ANKRD36C: variants seen among roughly 807,000 people sequenced by gnomAD.
ANKRD36C encodes the protein ankyrin repeat domain-containing protein 36C.
In ANKRD36C, 61 loss-of-function variants were observed where a neutral mutation model predicts 276.4. The ratio of observed to expected loss-of-function variants is 0.22; its 90% CI spans 0.18 to 0.27. ANKRD36C has a LOEUF of 0.27. ANKRD36C is among the 10% of genes least tolerant of loss of function. The pLI is 1.00. For missense variants in ANKRD36C, 1,447 were observed against 2,032.3 expected (o/e 0.71, Z 5.54); for synonymous variants, 483 against 680.1 (o/e 0.71, Z 4.51).
chr2:95,973,329 T>C (rs1678736126), intron 6 of ANKRD36C, among the ~76,000 whole-genome samples: 1 of 151,604 alleles, frequency 6.6e-6, no homozygotes, highest in Admixed American at 6.6e-5. Context: ...GGAGAAGCGC[T>C]TGAACCCAGG....
chr2:95,879,193 G>A (rs2104318141), intron 58 of ANKRD36C, among the ~76,000 whole-genome samples: 1 of 152,230 alleles, frequency 6.6e-6, no homozygotes. Flanking sequence ...AAATAATCCA[G>A]GCAAAGAAAG....
intron 1 of ANKRD36C, among the ~76,000 whole-genome samples, chr2:95,989,900 T>C (rs1421209576): frequency 6.6e-6 from 1 of 152,034 alleles, no homozygotes; most frequent in Non-Finnish European, 1.5e-5. Flanking sequence ...GTTGCTTGAA[T>C]ATCTGAAAAA....
exon 1 of ANKRD36C, chr2:95,991,610 C>T (rs1428410380): frequency 6.2e-7 from 1 of 1,613,958 alleles, no homozygotes; most frequent in Non-Finnish European, 8.5e-7. Context: ...GGATCCCCTT[C>T]AGATGATACG....
intron 6 of ANKRD36C, among the ~76,000 whole-genome samples, 200 bp from the exon 7 acceptor site, chr2:95,962,747 A>C (rs1183581757): frequency 6.6e-6 from 1 of 152,154 alleles, no homozygotes; most frequent in African/African-American, 2.4e-5. Context: ...TGAAAAATAC[A>C]CTTACAATTT....
chr2:95,873,383 A>G (rs1675861373), intron 59 of ANKRD36C, among the ~76,000 whole-genome samples: 1 of 152,254 alleles, frequency 6.6e-6, no homozygotes, highest in African/African-American at 2.4e-5. Flanking sequence ...AAATAAATGT[A>G]ATCCAGCTTA....
chr2:95,887,751 G>A (rs371941794), intron 50 of ANKRD36C, among the ~76,000 whole-genome samples, 174 bp downstream of exon 70: 13 of 151,632 alleles, frequency 8.6e-5, no homozygotes, highest in African/African-American at 2.7e-4. Context: ...TGCAAAGATC[G>A]TGTCCAAGAC....
rs573281245 is a variant in ANKRD36C at position 95,920,000 on chromosome 2, A to C, written c.2245+1607T>G. ...CATACATTCACACAGTGTTAGCATC[A>C]AGCTGTATCCTTCTGCCTGTACTAG... is the stretch of plus-strand genomic sequence containing the variant. On this transcript the variant is annotated intron_variant, in intron 34 of 66. Coordinates refer to ENST00000456556, the Ensembl canonical transcript of ANKRD36C. 28 of 1,439,980 alleles carry C rather than the reference A, an allele frequency of 1.9e-5. 2 individuals carry two copies. In the East Asian group the frequency reaches 2.1e-4, roughly 11 times the overall value. 89.2% of individuals were successfully genotyped at this position (1,439,980 alleles called of 1,614,324 possible).
At position 95,892,936 on chromosome 2, in the gene ANKRD36C, A is replaced by C. The variant is rs1032320621; in HGVS notation, c.2756-1076T>G. On this transcript the variant is annotated intron_variant, in intron 44 of 66. Transcript: ENST00000456556. ...AATTCTAGGATTGTTTCCTTCTTCC[A>C]GCAGTTCCTGCAGCAGCCAAAATCA... 3.5e-4 allele frequency among the ~76,000 whole-genome samples: 53 copies of C among 151,072 alleles called. 1 individual carries two copies. Among genetic ancestry groups the C allele is most frequent in the Admixed American group, 6.6e-5 (1 of 15,120 alleles).
chr2:95,981,433 GTATAT>G (rs1300971422), intron 4 of ANKRD36C, among the ~76,000 whole-genome samples: 1 of 142,144 alleles, frequency 7.0e-6, no homozygotes, highest in South Asian at 2.2e-4. Flanking sequence ...ATAATATATA[GTATAT>G]TATATATTAT....
exon 19 of ANKRD36C, chr2:95,944,657 T>C (rs1243979032): frequency 3.9e-6 from 6 of 1,537,068 alleles, no homozygotes; most frequent in Non-Finnish European, 5.2e-6. Context: ...CAAACAAGGT[T>C]CCATTTTCTG....
At chr2:95,947,102 G>A (rs1004108734) in intron 17 of ANKRD36C, among the ~76,000 whole-genome samples, 2 of 151,286 alleles carry the variant, frequency 1.3e-5, no homozygotes, top group Non-Finnish European at 1.5e-5. Flanking sequence ...ATAGAACATG[G>A]TTGGGGCTTT....
chr2:95,887,830 G>T (rs926344298), intron 50 of ANKRD36C, 95 bp downstream of exon 70: 1 of 1,424,542 alleles, frequency 7.0e-7, no homozygotes, highest in Non-Finnish European at 9.6e-7. Flanking sequence ...ATCAGAATGT[G>T]CAGTTTTGAT....
chr2:95,908,362 G>A (rs1035365498), intron 42 of ANKRD36C, 140 bp downstream of exon 48: 7 of 719,290 alleles, frequency 9.7e-6, no homozygotes, highest in South Asian at 1.3e-4. Context: ...CATCACCCAA[G>A]AACTTATTTG....
chr2:95,983,261 G>A (rs1349380718), intron 3 of ANKRD36C, among the ~76,000 whole-genome samples: 1 of 151,790 alleles, frequency 6.6e-6, no homozygotes, highest in Non-Finnish European at 1.5e-5. Flanking sequence ...AACTTTCACT[G>A]CTTATTATTA....
chr2:95,987,598 A>G (rs1311371164), intron 1 of ANKRD36C, among the ~76,000 whole-genome samples: 7 of 147,934 alleles, frequency 4.7e-5, no homozygotes, highest in Non-Finnish European at 1.0e-4. Context: ...ATTACTACTT[A>G]CAAAGACTTT....
chr2:95,987,192 A>C, exon 2 of ANKRD36C: 1 of 1,547,290 alleles, frequency 6.5e-7, no homozygotes, highest in African/African-American at 1.4e-5. Flanking sequence ...GGCACAGGCC[A>C]AATGTAGGGC....
At chr2:95,910,736 A>G (rs1371210539) in intron 42 of ANKRD36C, among the ~76,000 whole-genome samples, 168 bp from the exon 45 acceptor site, 4 of 151,446 alleles carry the variant, frequency 2.6e-5, no homozygotes, top group African/African-American at 7.3e-5. Flanking sequence ...GTACACTGAG[A>G]AAAGGGAATA....
chr2:95,962,944 A>C (rs1167083372), intron 6 of ANKRD36C, among the ~76,000 whole-genome samples: 2 of 152,018 alleles, frequency 1.3e-5, no homozygotes, highest in African/African-American at 4.8e-5. Context: ...ATGAGAAGGA[A>C]ATACACCATT....
chr2:95,950,605 G>A, intron 16 of ANKRD36C, 144 bp downstream of exon 16: 1 of 985,050 alleles, frequency 1.0e-6, no homozygotes, highest in African/African-American at 1.8e-5. Flanking sequence ...AGTTTCTAAA[G>A]TTGTGTGAAG....
Sources: allele counts gnomAD v4.1 joint callset (sites outside exome capture counted in the v4.1 genomes callset), GRCh38; gene constraint gnomAD v4.1.1; transcripts MANE v1.5; gene names NCBI Gene and HGNC (gene_info 2026-07-23, HGNC 2026-07-21).